CSMD1: variants seen among roughly 807,000 people sequenced by gnomAD.
The protein encoded by CSMD1 is CUB and Sushi multiple domains 1, also known as CUB and sushi domain-containing protein 1.
A neutral mutation model predicts 417.5 loss-of-function variants in CSMD1; 213 were observed. The observed-to-expected ratio is 0.51, with a 90% CI of 0.46 to 0.57. The LOEUF (loss-of-function observed/expected upper bound fraction) is 0.57, where lower values mean the gene tolerates loss of function less well. CSMD1 is among the 20% of genes least tolerant of loss of function. CSMD1 has a pLI of 0.00. For synonymous variants in CSMD1, 2,862 were observed against 1,736.8 expected (o/e 1.65, Z -16.11); for missense variants, 6,923 against 4,529.7 (o/e 1.53, Z -15.17).
intron 12 of CSMD1, among the ~76,000 whole-genome samples, chr8:3,430,734 G>C (rs1411284483): frequency 3.3e-5 from 5 of 152,186 alleles, no homozygotes; most frequent in Non-Finnish European, 7.3e-5. Flanking sequence ...CTGAACCCTG[G>C]AGGTGGAGGT....
chr8:3,792,201 G>A (rs2720789), intron 5 of CSMD1, among the ~76,000 whole-genome samples: 61,151 of 151,908 alleles, frequency 0.4, 13,291 homozygotes, highest in African/African-American at 0.57. Context: ...GGCTGAGATG[G>A]GAGATCGCTC....
At chr8:4,480,322 G>T (rs1801030086) in intron 2 of CSMD1, among the ~76,000 whole-genome samples, 2 of 152,084 alleles carry the variant, frequency 1.3e-5, no homozygotes, top group South Asian at 4.1e-4. Context: ...GTGTGTTTCT[G>T]CAGCCTTTGA....
intron 5 of CSMD1, among the ~76,000 whole-genome samples, chr8:3,840,683 CTTTTT>C (rs939551047): frequency 6.9e-6 from 1 of 143,892 alleles, no homozygotes; most frequent in Non-Finnish European, 1.5e-5. Flanking sequence ...GACCTCAATT[CTTTTT>C]TTTAATTTTT....
intron 2 of CSMD1, among the ~76,000 whole-genome samples, chr8:4,448,176 A>C (rs749460746): frequency 6.6e-6 from 1 of 152,204 alleles, no homozygotes; most frequent in East Asian, 1.9e-4. Flanking sequence ...ACATGTAACC[A>C]TAATGTCTAT....
intron 10 of CSMD1, among the ~76,000 whole-genome samples, chr8:3,527,062 T>C (rs1015232725): frequency 8.5e-5 from 13 of 152,062 alleles, no homozygotes; most frequent in African/African-American, 3.1e-4. Flanking sequence ...GCCGGGTCAG[T>C]GCCACGCTGC....
intron 5 of CSMD1, among the ~76,000 whole-genome samples, chr8:3,879,291 T>C (rs1268895702): frequency 6.6e-6 from 1 of 152,148 alleles, no homozygotes; most frequent in Non-Finnish European, 1.5e-5. Context: ...CAATATCAAA[T>C]GTATGTCAAA....
chr8:3,295,459 G>A (rs530992966), intron 25 of CSMD1, among the ~76,000 whole-genome samples: 37 of 151,962 alleles, frequency 2.4e-4, no homozygotes, highest in African/African-American at 5.8e-4. Context: ...GGGAGAGACC[G>A]TTATACTGAA....
At chr8:3,707,067 C>T (rs17067088) in intron 7 of CSMD1, among the ~76,000 whole-genome samples, 2 of 152,036 alleles carry the variant, frequency 1.3e-5, no homozygotes, top group African/African-American at 4.8e-5. Flanking sequence ...TCCTCTCTGC[C>T]TCTGAGGCCC....
chr8:4,399,523 C>G (rs1563133260), intron 3 of CSMD1, among the ~76,000 whole-genome samples: 3 of 152,110 alleles, frequency 2.0e-5, no homozygotes, highest in South Asian at 2.1e-4. Context: ...ATTCAAGAAA[C>G]TTTCCTCTCT....
chr8:3,712,702 G>C (rs1304107233), intron 6 of CSMD1, among the ~76,000 whole-genome samples: 2 of 152,168 alleles, frequency 1.3e-5, no homozygotes, highest in African/African-American at 4.8e-5. Flanking sequence ...TTTCATATGA[G>C]TTTCTGTTTT....
chr8:4,115,320 G>C (rs1381813784), intron 3 of CSMD1, among the ~76,000 whole-genome samples: 1 of 152,106 alleles, frequency 6.6e-6, no homozygotes, highest in East Asian at 1.9e-4. Context: ...TTAAAATTAA[G>C]GTATGTACAC....
intron 2 of CSMD1, among the ~76,000 whole-genome samples, chr8:4,430,501 A>G (rs1797815496): frequency 6.6e-6 from 1 of 152,162 alleles, no homozygotes; most frequent in Non-Finnish European, 1.5e-5. Context: ...TGCACTAAAC[A>G]AAAATTTCCT....
At chr8:3,885,043 C>G (rs1352162955) in intron 5 of CSMD1, among the ~76,000 whole-genome samples, 1 of 151,504 alleles carries the variant, frequency 6.6e-6, no homozygotes, top group Non-Finnish European at 1.5e-5. Flanking sequence ...TTCTAATGGA[C>G]CTAGTGTCTA....
intron 5 of CSMD1, among the ~76,000 whole-genome samples, chr8:3,892,512 C>T (rs935332515): frequency 6.9e-6 from 1 of 145,922 alleles, no homozygotes; most frequent in Non-Finnish European, 1.5e-5. Context: ...GCATCCAATC[C>T]TATGTTAGAG....
chr8:3,739,972 T>C (rs796955027), intron 6 of CSMD1, among the ~76,000 whole-genome samples: 1 of 152,342 alleles, frequency 6.6e-6, no homozygotes, highest in Non-Finnish European at 1.5e-5. Context: ...TTCTCCTTCA[T>C]GATCCCTATC....
In CSMD1 at chr8:4,836,656, T is replaced by C. The variant is rs146770591; in HGVS notation, c.85+157676A>G. Among the ~76,000 whole-genome samples, 285 of 152,334 alleles carry C rather than the reference T, an allele frequency of 1.9e-3. 3 individuals are homozygous for C. Among genetic ancestry groups the C allele is most frequent in the African/African-American group, 6.6e-3 (275 of 41,580 alleles). Reference sequence around the variant, plus strand: ...TTAAAAGGCAGTCAGTACTTAATGATGCTTTGAAATTTTAGTTTTTTATTC... The same window carrying C: ...TTAAAAGGCAGTCAGTACTTAATGACGCTTTGAAATTTTAGTTTTTTATTC... On this transcript the variant is annotated intron_variant, in intron 1 of 69. Coordinates refer to ENST00000635120, the MANE Select transcript of CSMD1 (RefSeq NM_033225.6).
intron 1 of CSMD1, among the ~76,000 whole-genome samples, chr8:4,851,571 G>A (rs566977047): frequency 2.4e-4 from 36 of 151,970 alleles, no homozygotes; most frequent in Non-Finnish European, 4.1e-4. Flanking sequence ...CCTATGACCT[G>A]TATCTTCAGT....
intron 5 of CSMD1, among the ~76,000 whole-genome samples, chr8:3,930,266 G>C (rs1584984667): frequency 6.7e-6 from 1 of 150,248 alleles, no homozygotes; most frequent in Non-Finnish European, 1.5e-5. Flanking sequence ...ATCTAATTAG[G>C]AATAAATAGT....
intron 5 of CSMD1, among the ~76,000 whole-genome samples, chr8:3,903,287 C>G (rs1807885086): frequency 6.6e-6 from 1 of 151,486 alleles, no homozygotes; most frequent in South Asian, 2.1e-4. Flanking sequence ...CTGTCCCACC[C>G]ATGTGTTTTT....
Sources: gnomAD v4.1 joint callset for allele counts (sites outside exome capture counted in the v4.1 genomes callset) on GRCh38, gnomAD v4.1.1 for gene constraint, MANE v1.5 for transcripts, NCBI Gene and HGNC (gene_info 2026-07-23, HGNC 2026-07-21) for gene names.